Variants in CSMD1 observed in about 807,000 individuals in gnomAD.
CSMD1 encodes CUB and Sushi multiple domains 1.
CSMD1 carries 213 observed loss-of-function variants against 417.5 expected under a neutral mutation model. The ratio of observed to expected loss-of-function variants is 0.51; its 90% CI spans 0.46 to 0.57. The LOEUF is 0.57. Among genes scored for constraint, CSMD1 ranks in the 20% least tolerant of loss-of-function variants. The pLI, the probability that CSMD1 is intolerant of heterozygous loss-of-function variation, is 0.00. For synonymous variants in CSMD1, 2,862 were observed against 1,736.8 expected (o/e 1.65, Z -16.11); for missense variants, 6,923 against 4,529.7 (o/e 1.53, Z -15.17).
chr8:3,513,240 T>A (rs1216347802), intron 10 of CSMD1, among the ~76,000 whole-genome samples: 2 of 152,256 alleles, frequency 1.3e-5, no homozygotes, highest in East Asian at 1.9e-4. Flanking sequence ...AATCCCCTAG[T>A]TTTCCCCTAT....
chr8:4,603,510 A>C (rs1375962790), intron 2 of CSMD1, among the ~76,000 whole-genome samples: 1 of 152,154 alleles, frequency 6.6e-6, no homozygotes, highest in East Asian at 1.9e-4. Context: ...ATCCTATTTA[A>C]AAGATAAGCA....
intron 3 of CSMD1, among the ~76,000 whole-genome samples, chr8:4,407,303 C>T (rs962491591): frequency 6.6e-6 from 1 of 152,128 alleles, no homozygotes; most frequent in South Asian, 2.1e-4. Context: ...AAAATCACTG[C>T]TATAATATAT....
chr8:4,824,125 C>T (rs571482180), intron 1 of CSMD1, among the ~76,000 whole-genome samples: 19 of 151,186 alleles, frequency 1.3e-4, no homozygotes, highest in Non-Finnish European at 1.5e-4. Context: ...CCCTCTCACA[C>T]GTACATGTAA....
At chr8:3,156,845 G>A (rs867911429) in intron 39 of CSMD1, among the ~76,000 whole-genome samples, 1 of 151,976 alleles carries the variant, frequency 6.6e-6, no homozygotes, top group Non-Finnish European at 1.5e-5. Flanking sequence ...AGGGGACTGT[G>A]CCATCTTAAA....
At chr8:4,065,616 G>T (rs1799204845) in intron 3 of CSMD1, among the ~76,000 whole-genome samples, 1 of 152,248 alleles carries the variant, frequency 6.6e-6, no homozygotes, top group East Asian at 1.9e-4. Flanking sequence ...GGAGACTCAT[G>T]AATGAAGCTC....
At chr8:3,807,971 G>A (rs974854749) in intron 5 of CSMD1, among the ~76,000 whole-genome samples, 4 of 152,170 alleles carry the variant, frequency 2.6e-5, no homozygotes, top group Non-Finnish European at 5.9e-5. Context: ...AACAAGACAT[G>A]CAGCCCTATT....
intron 10 of CSMD1, among the ~76,000 whole-genome samples, chr8:3,565,360 G>A (rs974495061): frequency 2.6e-5 from 4 of 151,972 alleles, no homozygotes; most frequent in South Asian, 2.1e-4. Flanking sequence ...GTCTTTGCAC[G>A]GGGAAAGGTC....
intron 3 of CSMD1, among the ~76,000 whole-genome samples, chr8:4,042,552 G>A (rs1797944022): frequency 6.6e-6 from 1 of 152,018 alleles, no homozygotes; most frequent in Admixed American, 6.6e-5. Context: ...ATTAAAATGA[G>A]TCATTCCAGC....
intron 1 of CSMD1, among the ~76,000 whole-genome samples, chr8:4,644,314 T>C (rs373868670): frequency 7.9e-5 from 12 of 152,316 alleles, no homozygotes; most frequent in South Asian, 2.1e-4. Flanking sequence ...GATTTTTTCA[T>C]TGAGGCCTCA....
intron 10 of CSMD1, among the ~76,000 whole-genome samples, chr8:3,526,363 G>C (rs1299495055): frequency 1.3e-5 from 2 of 152,036 alleles, no homozygotes; most frequent in African/African-American, 2.4e-5. Flanking sequence ...TTTGGTGTGA[G>C]TTGAGAGTAA....
At chr8:3,945,606 G>A (rs1811173188) in intron 5 of CSMD1, among the ~76,000 whole-genome samples, 2 of 151,958 alleles carry the variant, frequency 1.3e-5, no homozygotes, top group South Asian at 2.1e-4. Flanking sequence ...TCATCATTAG[G>A]CAAACTAATG....
At chr8:4,428,047 A>C (rs1278154081) in intron 2 of CSMD1, among the ~76,000 whole-genome samples, 3 of 152,172 alleles carry the variant, frequency 2.0e-5, no homozygotes, top group Non-Finnish European at 4.4e-5. Context: ...TGCTATTGTT[A>C]AGACATGAAG....
intron 1 of CSMD1, among the ~76,000 whole-genome samples, chr8:4,644,774 C>T (rs1235690422): frequency 6.6e-6 from 1 of 152,206 alleles, no homozygotes; most frequent in African/African-American, 2.4e-5. Context: ...CTTGCTTACG[C>T]ATTGATGATC....
intron 3 of CSMD1, among the ~76,000 whole-genome samples, chr8:4,154,567 C>A (rs970091325): frequency 1.3e-5 from 2 of 152,146 alleles, no homozygotes; most frequent in East Asian, 3.9e-4. Flanking sequence ...ACGCCGTGAG[C>A]TGGGCCAAGA....
intron 1 of CSMD1, among the ~76,000 whole-genome samples, chr8:4,717,745 C>G (rs1157302116): frequency 6.6e-6 from 1 of 152,114 alleles, no homozygotes; most frequent in African/African-American, 2.4e-5. Context: ...AGGAAGCAAT[C>G]AGTCTCTGTC....
chr8:3,844,101 A>G (rs1803324334), intron 5 of CSMD1, among the ~76,000 whole-genome samples: 1 of 152,162 alleles, frequency 6.6e-6, no homozygotes, highest in Non-Finnish European at 1.5e-5. Flanking sequence ...TGCCCCTCCT[A>G]CCATTTTTAT....
Position 3,856,805 on chromosome 8 carries a change from C to A in CSMD1, c.819-102763G>T, listed in dbSNP as rs189074668. Among the ~76,000 whole-genome samples the A allele has an allele frequency of 2.0e-3, 308 of 152,218 alleles. 1 individual carries two copies. Among genetic ancestry groups the A allele is most frequent in the Non-Finnish European group, 2.1e-3 (143 of 68,012 alleles). On this transcript the variant is annotated intron_variant, in intron 5 of 69. Transcript: ENST00000635120. ...GAGCATATTACAGATACAGGCTACT[C>A]CCTCAGGCTGGGGCCCAAAGTTAAC...
chr8:3,493,757 A>G (rs1257267302), intron 10 of CSMD1, 31 bp from the exon 11 acceptor site: 1 of 1,555,758 alleles, frequency 6.4e-7, no homozygotes, highest in Non-Finnish European at 8.8e-7. Context: ...AGTGACTTAG[A>G]ACAACAGGTA....
chr8:3,418,260 A>G (rs1585135336), intron 12 of CSMD1, among the ~76,000 whole-genome samples: 3 of 152,138 alleles, frequency 2.0e-5, no homozygotes, highest in South Asian at 2.1e-4. Context: ...AATTCGGGCT[A>G]TAAGTAACCA....
Sources: gnomAD v4.1 joint callset for allele counts (sites outside exome capture counted in the v4.1 genomes callset) on GRCh38, gnomAD v4.1.1 for gene constraint, MANE v1.5 for transcripts, NCBI Gene and HGNC (gene_info 2026-07-23, HGNC 2026-07-21) for gene names.